Variants in LRRC7 observed in about 807,000 individuals in gnomAD.
LRRC7 encodes leucine rich repeat containing 7.
In LRRC7, 23 loss-of-function variants were observed where a neutral mutation model predicts 175.7. The observed-to-expected ratio is 0.13, with a 90% CI of 0.09 to 0.19. LRRC7 has a LOEUF of 0.19. Ranked by LOEUF, LRRC7 falls within the 10% of genes least tolerant of loss-of-function variation. LRRC7 has a pLI of 1.00. For synonymous variants in LRRC7, 685 were observed against 680.9 expected, an observed-to-expected ratio of 1.01 and a Z score of -0.09; for missense variants, 1,354 against 1,904.7, an observed-to-expected ratio of 0.71 and a Z score of 5.38.
At chr1:70,073,901 T>G (rs1662576604) in intron 23 of LRRC7, among the ~76,000 whole-genome samples, 1 of 152,174 alleles carries the variant, frequency 6.6e-6, no homozygotes, top group Non-Finnish European at 1.5e-5. Flanking sequence ...GTGAGTTCAT[T>G]CAGAATACAG....
intron 25 of LRRC7, among the ~76,000 whole-genome samples, chr1:70,096,080 C>T (rs1664369413): frequency 6.6e-6 from 1 of 151,962 alleles, no homozygotes; most frequent in Non-Finnish European, 1.5e-5. Flanking sequence ...CGGGTTCAAG[C>T]GATTCTCCTG....
intron 1 of LRRC7, among the ~76,000 whole-genome samples, chr1:69,645,274 A>G (rs562958367): frequency 1.3e-5 from 2 of 152,226 alleles, no homozygotes; most frequent in South Asian, 4.1e-4. Context: ...TGCAAGTTCA[A>G]TATAAAATAA....
At chr1:69,973,201 C>T (rs370102683) in intron 8 of LRRC7, among the ~76,000 whole-genome samples, 4 of 151,610 alleles carry the variant, frequency 2.6e-5, no homozygotes, top group East Asian at 3.9e-4. Context: ...AACCAAACAT[C>T]GTATGTTGTC....
At position 69,897,594 on chromosome 1, in the gene LRRC7, T is replaced by C. The variant is rs573257872; in HGVS notation, c.648-33913T>C. 6.6e-5 allele frequency among the ~76,000 whole-genome samples: 10 copies of C among 152,300 alleles called. No homozygotes were observed. In the Middle Eastern group the frequency reaches 0.01, roughly 155 times the overall value. On this transcript the variant is annotated intron_variant, in intron 7 of 26. Coordinates refer to ENST00000651989, the MANE Select transcript of LRRC7 (RefSeq NM_001370785.2). ...GACATAATAGGTGTTTAATAAATAT[T>C]TGTTGAACGAATGCATGAATGCTTC...
At chr1:69,661,240 G>C (rs1328017191) in intron 1 of LRRC7, among the ~76,000 whole-genome samples, 1 of 152,098 alleles carries the variant, frequency 6.6e-6, no homozygotes, top group African/African-American at 2.4e-5. Context: ...CAAGCTGCTA[G>C]TATATTCACT....
At chr1:69,750,908 G>T (rs1315807939) in intron 2 of LRRC7, among the ~76,000 whole-genome samples, 2 of 152,110 alleles carry the variant, frequency 1.3e-5, no homozygotes, top group Non-Finnish European at 2.9e-5. Context: ...TTTTGAAGGG[G>T]ACATAAGTCA....
At chr1:69,999,356 G>A (rs1379822105) in intron 11 of LRRC7, among the ~76,000 whole-genome samples, 1 of 152,164 alleles carries the variant, frequency 6.6e-6, no homozygotes, top group East Asian at 1.9e-4. Flanking sequence ...AGGCAGAATA[G>A]GGAAGCTTCT....
At chr1:69,848,432 AC>A (rs1162926739) in intron 7 of LRRC7, among the ~76,000 whole-genome samples, 1 of 152,108 alleles carries the variant, frequency 6.6e-6, no homozygotes, top group Non-Finnish European at 1.5e-5. Context: ...TGGTAGGTGC[AC>A]AAAAAAATTA....
At chr1:69,654,630 G>A (rs1277229926) in intron 1 of LRRC7, among the ~76,000 whole-genome samples, 1 of 151,928 alleles carries the variant, frequency 6.6e-6, no homozygotes, top group South Asian at 2.1e-4. Flanking sequence ...TCTAAATTTA[G>A]GAAATCCAGC....
At chr1:69,734,869 G>T (rs1289328765) in intron 2 of LRRC7, among the ~76,000 whole-genome samples, 1 of 151,634 alleles carries the variant, frequency 6.6e-6, no homozygotes, top group African/African-American at 2.4e-5. Flanking sequence ...CTTCTTTTAA[G>T]TTATGTAGAT....
chr1:69,770,832 A>G (rs535694872), intron 3 of LRRC7, among the ~76,000 whole-genome samples: 10 of 152,302 alleles, frequency 6.6e-5, no homozygotes, highest in Non-Finnish European at 1.2e-4. Flanking sequence ...GGGTTTGAAT[A>G]AAGGTCTAAA....
intron 3 of LRRC7, among the ~76,000 whole-genome samples, chr1:69,791,484 A>AT (rs1236328204): frequency 1.3e-5 from 2 of 152,054 alleles, no homozygotes; most frequent in East Asian, 1.9e-4. Flanking sequence ...ATTACGAGTG[A>AT]TTTTTTTCAC....
intron 18 of LRRC7, among the ~76,000 whole-genome samples, chr1:70,035,112 C>A (rs1659168841): frequency 6.6e-6 from 1 of 151,906 alleles, no homozygotes; most frequent in East Asian, 1.9e-4. Flanking sequence ...ACATTAGTGC[C>A]CCAAACTCAC....
At chr1:70,121,461 C>G (rs923658894) in intron 26 of LRRC7, among the ~76,000 whole-genome samples, 2 of 151,816 alleles carry the variant, frequency 1.3e-5, no homozygotes, top group African/African-American at 4.8e-5. Flanking sequence ...CCTAATCAGC[C>G]CCTGCAAAAA....
chr1:69,877,116 T>C (rs551784118), intron 7 of LRRC7, among the ~76,000 whole-genome samples: 1 of 152,196 alleles, frequency 6.6e-6, no homozygotes, highest in Admixed American at 6.5e-5. Flanking sequence ...AACCATGAGG[T>C]AGACAGAGAA....
intron 1 of LRRC7, among the ~76,000 whole-genome samples, chr1:69,617,507 C>A (rs1393473655): frequency 9.5e-6 from 1 of 104,898 alleles, no homozygotes; most frequent in Non-Finnish European, 1.8e-5. Flanking sequence ...GATTGTGGTG[C>A]AAAAATCTTT....
At chr1:69,673,404 T>G (rs1400351673) in intron 1 of LRRC7, among the ~76,000 whole-genome samples, 2 of 152,224 alleles carry the variant, frequency 1.3e-5, no homozygotes, top group African/African-American at 4.8e-5. Context: ...TTTTCAGAGC[T>G]CTTCAATGAG....
intron 2 of LRRC7, among the ~76,000 whole-genome samples, chr1:69,696,278 G>A (rs1446978723): frequency 6.6e-6 from 1 of 152,176 alleles, no homozygotes; most frequent in African/African-American, 2.4e-5. Context: ...TTTTAAGTCT[G>A]CCCTGCTGGG....
intron 2 of LRRC7, among the ~76,000 whole-genome samples, chr1:69,742,014 CA>C (rs747052146): frequency 6.6e-6 from 1 of 151,820 alleles, no homozygotes; most frequent in Non-Finnish European, 1.5e-5. Context: ...ATGGAGACTG[CA>C]ACATAATTTT....
Sources: allele counts gnomAD v4.1 joint callset (sites outside exome capture counted in the v4.1 genomes callset), GRCh38; gene constraint gnomAD v4.1.1; transcripts MANE v1.5; gene names NCBI Gene and HGNC (gene_info 2026-07-23, HGNC 2026-07-21).